The following KIDINS220 variants were observed in gnomAD, a reference collection of about 807,000 sequenced individuals.
KIDINS220 encodes the protein kinase D interacting substrate 220.
In KIDINS220, 63 loss-of-function variants were observed where a neutral mutation model predicts 157.6. The ratio of observed to expected loss-of-function variants is 0.40; its 90% CI spans 0.33 to 0.49. The LOEUF is 0.49. KIDINS220 is among the 20% of genes least tolerant of loss of function. KIDINS220 has a pLI of 0.66. For synonymous variants in KIDINS220, 732 were observed against 783.6 expected (o/e 0.93, Z 1.10); for missense variants, 1,772 against 2,171.2 (o/e 0.82, Z 3.65).
At chr2:8,764,230 T>C (rs1669141551) in intron 22 of KIDINS220, among the ~76,000 whole-genome samples, 1 of 151,986 alleles carries the variant, frequency 6.6e-6, no homozygotes, top group African/African-American at 2.4e-5. Context: ...TAATAGACTT[T>C]AGAGACTCAG....
rs552690567 is a variant in KIDINS220, at chr2:8,757,613, G to A, written c.3012-5969C>T. 160 of 1,598,144 alleles carry A rather than the reference G, an allele frequency of 1.0e-4. No individual in the cohort carries two copies. In the South Asian group the frequency reaches 1.0e-3, roughly 10 times the overall value. On this transcript the variant is annotated intron_variant, in intron 22 of 29. Transcript: ENST00000256707. ...GAATATTTGCCATTTTCAGTCCTTC[G>A]AGGCAGATAACCCAAGTGAATGTGC...
At chr2:8,777,559 C>T (rs1671133822) in intron 20 of KIDINS220, among the ~76,000 whole-genome samples, 1 of 152,150 alleles carries the variant, frequency 6.6e-6, no homozygotes, top group Non-Finnish European at 1.5e-5. Context: ...CTTAATCCTC[C>T]CAAAGTGCTA....
At chr2:8,751,200 A>C (rs1016859458) in intron 23 of KIDINS220, among the ~76,000 whole-genome samples, 1 of 576 alleles carries the variant, frequency 1.7e-3, no homozygotes, top group Non-Finnish European at 3.5e-3. Flanking sequence ...TGGGGGCGGG[A>C]GGGGTGGGGA....
intron 12 of KIDINS220, among the ~76,000 whole-genome samples, chr2:8,791,936 T>A (rs895894865): frequency 6.6e-6 from 1 of 151,978 alleles, no homozygotes; most frequent in Admixed American, 6.6e-5. Flanking sequence ...TGGAGAAGAA[T>A]AAAAATGTAA....
rs376361503 is a variant in KIDINS220, at chr2:8,779,663, C to T, written c.2370+11G>A. The stretch of plus-strand genomic sequence containing the variant: ...ATAACAATGGTGGCTTTTGAGGTGG[C>T]GCAAACGTACAGTGTCCAGCATCTG... On this transcript the variant is annotated intron_variant, in intron 18 of 29. Transcript: ENST00000256707. The T allele has an allele frequency of 6.8e-6, 11 of 1,606,010 alleles. No homozygotes were observed. Among genetic ancestry groups the T allele is most frequent in the African/African-American group, 4.0e-5 (3 of 74,884 alleles).
chr2:8,783,667 T>A (rs1312955241), intron 17 of KIDINS220, among the ~76,000 whole-genome samples: 1 of 152,192 alleles, frequency 6.6e-6, no homozygotes, highest in African/African-American at 2.4e-5. Context: ...ATCACTTTCC[T>A]ATATATCAGC....
At chr2:8,727,214 A>G, downstream of KIDINS220, 2 of 1,128,426 alleles carry the variant, frequency 1.8e-6, no homozygotes, top group Non-Finnish European at 2.2e-6. Flanking sequence ...CTGCCCCCGC[A>G]AAAGAACAGT....
chr2:8,734,552 T>C (rs1664603487), intron 28 of KIDINS220, 103 bp downstream of exon 28: 1 of 732,812 alleles, frequency 1.4e-6, no homozygotes, highest in African/African-American at 1.8e-5. Context: ...AATACCAGTT[T>C]AGGCCAGTAC....
intron 26 of KIDINS220, among the ~76,000 whole-genome samples, chr2:8,739,077 T>C (rs1158622492): frequency 6.6e-6 from 1 of 152,226 alleles, no homozygotes; most frequent in African/African-American, 2.4e-5. Context: ...GAGAATTTTA[T>C]GTCTATGGAG....
intron 26 of KIDINS220, among the ~76,000 whole-genome samples, chr2:8,744,381 AAAAAAAAATATATATATAT>A (rs1666144693): frequency 1.2e-3 from 43 of 36,470 alleles, no homozygotes; most frequent in South Asian, 7.3e-3. Flanking sequence ...AAAAAAAAAA[AAAAAAAAATATATATATAT>A]AATATATATA....
intron 23 of KIDINS220, 110 bp downstream of exon 23, chr2:8,751,356 C>T (rs764080301): frequency 2.0e-5 from 17 of 832,216 alleles, no homozygotes; most frequent in Non-Finnish European, 2.9e-5. Flanking sequence ...GTGCTTAGTT[C>T]AATACCTCTT....
chr2:8,780,688 T>C (rs1671590504), intron 17 of KIDINS220, among the ~76,000 whole-genome samples: 1 of 151,948 alleles, frequency 6.6e-6, no homozygotes, highest in African/African-American at 2.4e-5. Flanking sequence ...TGAGAAGTGA[T>C]ATAGTATTAC....
intron 26 of KIDINS220, chr2:8,737,379 C>A: frequency 6.1e-6 from 1 of 163,008 alleles, no homozygotes; most frequent in Non-Finnish European, 1.3e-5. Flanking sequence ...ACTACTGATG[C>A]CAATATTATA....
chr2:8,751,686 A>G, intron 22 of KIDINS220, 42 bp from the exon 23 acceptor site: 1 of 1,370,300 alleles, frequency 7.3e-7, no homozygotes, highest in Non-Finnish European at 1.0e-6. Flanking sequence ...TAATGTCACT[A>G]TTAGAAAGGT....
At chr2:8,790,925 C>A (rs1673099260) in intron 13 of KIDINS220, 135 bp downstream of exon 13, 5 of 649,656 alleles carry the variant, frequency 7.7e-6, no homozygotes, top group Non-Finnish European at 1.2e-5. Flanking sequence ...AAGGACCAAC[C>A]AGAGGGGAGT....
At chr2:8,758,639 A>G (rs1668354268) in intron 22 of KIDINS220, among the ~76,000 whole-genome samples, 1 of 150,494 alleles carries the variant, frequency 6.6e-6, no homozygotes, top group Admixed American at 6.6e-5. Flanking sequence ...TAGCTCCTCG[A>G]GGTGTTAGGT....
intron 17 of KIDINS220, among the ~76,000 whole-genome samples, chr2:8,784,045 GT>G (rs1235678531): frequency 6.6e-6 from 1 of 152,148 alleles, no homozygotes; most frequent in East Asian, 1.9e-4. Flanking sequence ...ATCAAACAGT[GT>G]GGTATGCGCA....
intron 21 of KIDINS220, among the ~76,000 whole-genome samples, chr2:8,772,914 T>C (rs1670430917): frequency 6.6e-6 from 1 of 152,196 alleles, no homozygotes; most frequent in Non-Finnish European, 1.5e-5. Flanking sequence ...AGAAGTAACA[T>C]GCCCGTGACT....
rs560374420 is a variant in KIDINS220 at position 8,749,147 on chromosome 2, C to T, written c.3414+965G>A. Among the ~76,000 whole-genome samples the T allele has an allele frequency of 1.2e-3, 183 of 152,206 alleles. 1 individual carries two copies. The highest frequency in any genetic ancestry group is 2.0e-3 in the Non-Finnish European group (135 of 68,024). ...GTAACATTTCTCGGGACTCTTTAAA[C>T]AGTACCTAATTACTTATATGGCCAC... On this transcript the variant is annotated intron_variant, in intron 24 of 29. Coordinates refer to ENST00000256707, the MANE Select transcript of KIDINS220 (RefSeq NM_020738.4).
Sources: gnomAD v4.1 joint callset for allele counts (sites outside exome capture counted in the v4.1 genomes callset) on GRCh38, gnomAD v4.1.1 for gene constraint, MANE v1.5 for transcripts, NCBI Gene and HGNC (gene_info 2026-07-23, HGNC 2026-07-21) for gene names.